Variants in FRMPD1 observed in about 807,000 individuals in gnomAD.
FRMPD1 encodes the protein FERM and PDZ domain-containing protein 1.
In FRMPD1, 76 loss-of-function variants were observed where a neutral mutation model predicts 117.8. The ratio of observed to expected loss-of-function variants is 0.65; its 90% CI spans 0.54 to 0.78. The LOEUF (loss-of-function observed/expected upper bound fraction) is 0.78, where lower values mean the gene tolerates loss of function less well. Ranked by LOEUF, FRMPD1 falls within the 30% of genes least tolerant of loss-of-function variation. The pLI is 0.00. For missense variants in FRMPD1, 1,786 were observed against 1,964.5 expected, an observed-to-expected ratio of 0.91 and a Z score of 1.72; for synonymous variants, 783 against 770.4, an observed-to-expected ratio of 1.02 and a Z score of -0.27.
chr9:37,740,298 C>T lies in FRMPD1; in HGVS notation c.1770C>T (p.Ser590=), dbSNP rs371980168. The change falls in exon 15 of 16, where the codon TCC becomes TCT. Residue 590 remains serine, a synonymous_variant. Coordinates refer to ENST00000377765, the MANE Select transcript of FRMPD1 (RefSeq NM_014907.3). The surrounding 1 kb of genome is among the most constrained non-coding windows in gnomAD (Gnocchi z 4.2). ...STTDSAESEA[S]DSANTESRGY... is the part of the protein sequence containing the mutation. ...CAGACAGTGCCGAGTCCGAGGCGTC[C>T]GACTCAGCCAACACTGAGAGCCGCG... is the stretch of plus-strand genomic sequence containing the variant. The T allele has an allele frequency of 4.5e-5, 73 of 1,613,546 alleles. No homozygotes were observed. Among genetic ancestry groups the T allele is most frequent in the Middle Eastern group, 1.6e-4 (1 of 6,078 alleles).
chr9:37,696,956 A>G (rs1822342784), intron 2 of FRMPD1, among the ~76,000 whole-genome samples: 2 of 151,954 alleles, frequency 1.3e-5, no homozygotes, highest in South Asian at 2.1e-4. Context: ...ATTTCCAGGC[A>G]TTACTAAACA....
At position 37,740,250 on chromosome 9, in the gene FRMPD1, C is replaced by T; in HGVS notation, c.1722C>T (p.Ser574=). 6.2e-7 allele frequency: 1 copy of T among 1,613,856 alleles called. No homozygotes were observed. The highest frequency in any genetic ancestry group is 8.5e-7 in the Non-Finnish European group (1 of 1,179,930). The change falls in exon 15 of 16, where the codon AGC becomes AGT. Residue 574 remains serine (S), a synonymous_variant. Coordinates refer to ENST00000377765, the MANE Select transcript of FRMPD1 (RefSeq NM_014907.3). This position sits in a 1 kb window ranked among gnomAD's most constrained non-coding sequence, Gnocchi z 4.2. ...CTGAGGTGGCTAGGAGGGGCCCCAG[C>T]ACCTGCGGGGCCAGCAGCACGACAG... ...PTPEVARRGP[S]TCGASSTTDS...
Position 37,694,537 on chromosome 9 carries a change from C to T in FRMPD1, c.101+1795C>T, listed in dbSNP as rs7857006. 2.2e-3 allele frequency among the ~76,000 whole-genome samples: 330 copies of T among 152,226 alleles called. 1 individual carries two copies. The highest frequency in any genetic ancestry group is 7.5e-3 in the African/African-American group (312 of 41,530). On this transcript the variant is annotated intron_variant, in intron 2 of 15. Coordinates refer to ENST00000377765, the MANE Select transcript of FRMPD1 (RefSeq NM_014907.3). Reference sequence around the variant, plus strand: ...CTCCCCTCTGCCAGCCCCAGGTAACCACTAATTTACTTTCTTTTATTCTTT... The same window carrying T: ...CTCCCCTCTGCCAGCCCCAGGTAACTACTAATTTACTTTCTTTTATTCTTT...
At chr9:37,609,988 T>G in the FRMPD1 span, among the ~76,000 whole-genome samples, 1 of 152,192 alleles carries the variant, frequency 6.6e-6, no homozygotes, top group Non-Finnish European at 1.5e-5. Context: ...CAGAAAGCCC[T>G]GCCCTGAAGC....
rs987987391 is a variant in FRMPD1, at chr9:37,741,882, C to T, written c.2356+998C>T. Among the ~76,000 whole-genome samples, 7 of 152,334 alleles carry T rather than the reference C, an allele frequency of 4.6e-5. No individual in the cohort carries two copies. The South Asian group carries it at 6.2e-4, about 14-fold the overall frequency. ...TGGTGCCCATCCGTCTATCAGATTC[C>T]GGTTGGAATTCACTTCCTCAGAGAA... On this transcript the variant is annotated intron_variant, in intron 15 of 15. Coordinates refer to ENST00000377765, the MANE Select transcript of FRMPD1 (RefSeq NM_014907.3).
Position 37,744,897 on chromosome 9 carries a change from T to G in FRMPD1, c.2865T>G (p.Asn955Lys), listed in dbSNP as rs1183293828. 1 of 1,614,230 alleles carries G rather than the reference T, an allele frequency of 6.2e-7. No homozygotes were observed. Among genetic ancestry groups the G allele is most frequent in the East Asian group, 2.2e-5 (1 of 44,888 alleles). The change falls in exon 16 of 16, where the codon AAT becomes AAG. Residue 955 changes from asparagine to lysine, a missense_variant. Physicochemically the swap from Asn to Lys is moderately conservative, Grantham distance 94 (BLOSUM62 0). Transcript: ENST00000377765. ...GGATTGACCCCAACAATAAAGAGAA[T>G]TCTGGTGTTGTCCCTGCTGCCAGCT... ...RFRIDPNNKENSGVVPAASSS... is the reference protein window; with the variant it reads ...RFRIDPNNKEKSGVVPAASSS...
Position 37,744,988 on chromosome 9 carries a change from C to A in FRMPD1, c.2956C>A (p.Pro986Thr). ...TGGCCCAGATACTGCTCAGGCAAGG[C>A]CTTCCCAAATCTTACCTCTATCTCA... ...SSGPDTAQARPSQILPLSQDL... is the reference protein window; with the variant it reads ...SSGPDTAQARTSQILPLSQDL... The change falls in exon 16 of 16, where the codon CCT (proline) becomes ACT (threonine). Residue 986 changes from proline (P) to threonine (T), a missense_variant. Transcript: ENST00000377765. The A allele has an allele frequency of 3.7e-6, 6 of 1,614,168 alleles. No individual in the cohort carries two copies. Among genetic ancestry groups the A allele is most frequent in the Non-Finnish European group, 4.2e-6 (5 of 1,180,006 alleles).
chr9:37,744,335 A>G (rs760241770), intron 15 of FRMPD1, 54 bp from the exon 16 acceptor site: 59 of 1,381,614 alleles, frequency 4.3e-5, no homozygotes, highest in Non-Finnish European at 5.8e-5. Context: ...CCCAAGCTCT[A>G]TTAACCTCTT....
the FRMPD1 span, among the ~76,000 whole-genome samples, chr9:37,604,229 C>T: frequency 6.6e-6 from 1 of 152,158 alleles, no homozygotes; most frequent in Non-Finnish European, 1.5e-5. Context: ...GTTTACCTTT[C>T]CTGACTAGGT....
the FRMPD1 span, among the ~76,000 whole-genome samples, chr9:37,604,538 G>A: frequency 6.6e-6 from 1 of 152,234 alleles, no homozygotes; most frequent in African/African-American, 2.4e-5. Flanking sequence ...CTTGCTCAGA[G>A]CAACTCCTTC....
At chr9:37,627,409 G>A in the FRMPD1 span, among the ~76,000 whole-genome samples, 1 of 152,202 alleles carries the variant, frequency 6.6e-6, no homozygotes, top group Non-Finnish European at 1.5e-5. Context: ...GTGCAAGTGA[G>A]TCTTAAGAGT....
rs142939529 is a variant in FRMPD1 at position 37,675,907 on chromosome 9, C to T, written c.-4-16731C>T. Among the ~76,000 whole-genome samples, 444 of 152,330 alleles carry T rather than the reference C, an allele frequency of 2.9e-3. 6 individuals are homozygous for T. Among genetic ancestry groups the T allele is most frequent in the South Asian group, 5.4e-3 (26 of 4,828 alleles). ...TGTTCACCTGTCCTGTTGCCACTCC[C>T]TGGAGAACCTTTGCTTCAACCTGTA... On this transcript the variant is annotated intron_variant, in intron 1 of 15. Transcript: ENST00000377765.
chr9:37,704,827 C>CTT (rs747635072), intron 2 of FRMPD1, among the ~76,000 whole-genome samples: 1 of 144,308 alleles, frequency 6.9e-6, no homozygotes, highest in Non-Finnish European at 1.5e-5. Flanking sequence ...TAATTTAGAA[C>CTT]TTTTTTTTTT....
chr9:37,626,500 CAAAAAAA>C, the FRMPD1 span, among the ~76,000 whole-genome samples: 1 of 87,272 alleles, frequency 1.1e-5, no homozygotes, highest in Admixed American at 1.3e-4. Flanking sequence ...GACTTAGTCT[CAAAAAAA>C]AAAAAAAAAA....
intron 1 of FRMPD1, among the ~76,000 whole-genome samples, chr9:37,673,075 A>C (rs982564190): frequency 6.6e-6 from 1 of 152,164 alleles, no homozygotes; most frequent in Non-Finnish European, 1.5e-5. Flanking sequence ...ATTCATTTCA[A>C]CATTAACCCA....
intron 1 of FRMPD1, among the ~76,000 whole-genome samples, chr9:37,655,693 C>T (rs1410995810): frequency 5.9e-5 from 9 of 151,860 alleles, no homozygotes; most frequent in South Asian, 4.2e-4. Flanking sequence ...TTCGTAGAGA[C>T]GGGGTTTCAC....
the FRMPD1 span, among the ~76,000 whole-genome samples, chr9:37,618,930 CCT>C: frequency 6.6e-6 from 1 of 152,214 alleles, no homozygotes; most frequent in African/African-American, 2.4e-5. Flanking sequence ...CTTGGTTTAT[CCT>C]TCTGTTGCGT....
chr9:37,684,475 AGGGGAACCACTG>A (rs1821850866), intron 1 of FRMPD1, among the ~76,000 whole-genome samples: 1 of 152,226 alleles, frequency 6.6e-6, no homozygotes. Context: ...CTAAAGATGA[AGGGGAACCACTG>A]GGGGATTTTT....
At chr9:37,639,217 A>G in the FRMPD1 span, among the ~76,000 whole-genome samples, 4 of 152,206 alleles carry the variant, frequency 2.6e-5, no homozygotes, top group Non-Finnish European at 5.9e-5. Flanking sequence ...TTCCTGTTCC[A>G]TGTTGGGTTT....
Sources: gnomAD v4.1 joint callset for allele counts (sites outside exome capture counted in the v4.1 genomes callset) on GRCh38, gnomAD v4.1.1 for gene constraint, Gnocchi (gnomAD v3.1) non-coding constraint, MANE v1.5 for transcripts, NCBI Gene and HGNC (gene_info 2026-07-23, HGNC 2026-07-21) for gene names.